Variants in SDK1 observed in about 807,000 individuals in gnomAD.
SDK1 encodes sidekick cell adhesion molecule 1, also known as protein sidekick-1.
A neutral mutation model predicts 245.5 loss-of-function variants in SDK1; 157 were observed. The ratio of observed to expected loss-of-function variants is 0.64; its 90% CI spans 0.56 to 0.73. The LOEUF (loss-of-function observed/expected upper bound fraction) is 0.73. Ranked by LOEUF, SDK1 falls within the 30% of genes least tolerant of loss-of-function variation. The pLI is 0.00. For missense variants in SDK1, 3,583 were observed against 3,002.3 expected, an observed-to-expected ratio of 1.19 and a Z score of -4.52; for synonymous variants, 1,647 against 1,278.5, an observed-to-expected ratio of 1.29 and a Z score of -6.15.
intron 5 of SDK1, among the ~76,000 whole-genome samples, chr7:3,824,760 G>T (rs1779730398): frequency 6.6e-6 from 1 of 152,192 alleles, no homozygotes; most frequent in Admixed American, 6.5e-5. Context: ...GCAAAAGATA[G>T]ATAGGTTTTA....
chr7:4,041,342 TAA>T (rs981412035), intron 17 of SDK1, among the ~76,000 whole-genome samples: 1 of 150,950 alleles, frequency 6.6e-6, no homozygotes, highest in Non-Finnish European at 1.5e-5. Flanking sequence ...AGTAGAAAGT[TAA>T]AAGAGTTTTG....
At chr7:4,024,896 G>T (rs535099135) in intron 17 of SDK1, among the ~76,000 whole-genome samples, 1 of 132,120 alleles carries the variant, frequency 7.6e-6, no homozygotes, top group Non-Finnish European at 1.6e-5. Flanking sequence ...TCCCACAGCC[G>T]CATTATGTGG....
At chr7:3,978,685 T>C (rs1270078763) in intron 13 of SDK1, among the ~76,000 whole-genome samples, 1 of 152,180 alleles carries the variant, frequency 6.6e-6, no homozygotes, top group African/African-American at 2.4e-5. Flanking sequence ...GGGCATTCTG[T>C]CCTTCTTGGG....
intron 5 of SDK1, among the ~76,000 whole-genome samples, chr7:3,856,121 A>G (rs1326293320): frequency 6.6e-6 from 1 of 152,188 alleles, no homozygotes; most frequent in African/African-American, 2.4e-5. Context: ...AGGGAGGAAT[A>G]AAGAAAATGC....
intron 17 of SDK1, among the ~76,000 whole-genome samples, chr7:4,027,192 C>A (rs1348684899): frequency 1.3e-5 from 2 of 152,134 alleles, no homozygotes; most frequent in African/African-American, 2.4e-5. Flanking sequence ...GCCGAGCACC[C>A]AGGAGAACTG....
chr7:3,733,507 G>A (rs1012690516), intron 4 of SDK1, among the ~76,000 whole-genome samples: 4 of 152,152 alleles, frequency 2.6e-5, no homozygotes, highest in African/African-American at 9.7e-5. Flanking sequence ...CTGCTCTGGA[G>A]GTCCGAGTGC....
At chr7:3,941,009 G>A (rs1351792073) in intron 5 of SDK1, among the ~76,000 whole-genome samples, 1 of 151,756 alleles carries the variant, frequency 6.6e-6, no homozygotes, top group African/African-American at 2.4e-5. Context: ...GGCAGCTTCT[G>A]CAGAACGCCT....
chr7:3,367,147 T>TTTTA (rs61289936), intron 1 of SDK1, among the ~76,000 whole-genome samples: 15,337 of 151,632 alleles, frequency 0.1, 995 homozygotes, highest in African/African-American at 0.17. Flanking sequence ...TACAATTTTA[T>TTTTA]TTTATTTATT....
intron 1 of SDK1, among the ~76,000 whole-genome samples, chr7:3,461,583 G>A (rs944364914): frequency 2.2e-4 from 33 of 152,068 alleles, no homozygotes; most frequent in South Asian, 2.1e-4. Flanking sequence ...AGAATCCTCC[G>A]GTCACTTAGT....
chr7:4,095,536 A>C (rs1214767650), intron 22 of SDK1, among the ~76,000 whole-genome samples: 1 of 151,890 alleles, frequency 6.6e-6, no homozygotes, highest in Non-Finnish European at 1.5e-5. Flanking sequence ...TTGTTTGTCA[A>C]GTTGCTCCTT....
chr7:4,145,456 C>A (rs1779898226), intron 28 of SDK1, among the ~76,000 whole-genome samples: 1 of 152,096 alleles, frequency 6.6e-6, no homozygotes, highest in African/African-American at 2.4e-5. Context: ...TCGCCTCGTG[C>A]CCGCATCCTA....
At chr7:4,080,634 C>G (rs187306703) in intron 22 of SDK1, among the ~76,000 whole-genome samples, 1 of 152,198 alleles carries the variant, frequency 6.6e-6, no homozygotes, top group Non-Finnish European at 1.5e-5. Flanking sequence ...ACAAATGGGG[C>G]TGGAACAATT....
chr7:3,630,401 A>G (rs1425920967), intron 2 of SDK1, among the ~76,000 whole-genome samples: 1 of 152,236 alleles, frequency 6.6e-6, no homozygotes, highest in African/African-American at 2.4e-5. Context: ...GCAACATTAC[A>G]AGATAGAAGA....
intron 5 of SDK1, among the ~76,000 whole-genome samples, chr7:3,852,667 C>T (rs1031954328): frequency 3.7e-5 from 5 of 136,964 alleles, no homozygotes; most frequent in African/African-American, 1.4e-4. Flanking sequence ...AGGAGAATGG[C>T]GGGAACCCGG....
chr7:3,450,198 G>C (rs1417748612), intron 1 of SDK1, among the ~76,000 whole-genome samples: 1 of 152,176 alleles, frequency 6.6e-6, no homozygotes, highest in Admixed American at 6.5e-5. Flanking sequence ...CATATTTATC[G>C]ATATGTGAGA....
chr7:3,359,289 C>T (rs1780889747), intron 1 of SDK1, among the ~76,000 whole-genome samples: 1 of 152,178 alleles, frequency 6.6e-6, no homozygotes, highest in African/African-American at 2.4e-5. Context: ...AGCCTGATGG[C>T]ACTTGAGGAA....
chr7:3,854,688 C>T (rs1780498023), intron 5 of SDK1, among the ~76,000 whole-genome samples: 1 of 152,150 alleles, frequency 6.6e-6, no homozygotes, highest in Admixed American at 6.5e-5. Context: ...TCTGCAATAT[C>T]TTCTGTAAAC....
chr7:4,012,014 A>T, intron 15 of SDK1, 81 bp from the exon 16 acceptor site: 2 of 1,214,134 alleles, frequency 1.6e-6, no homozygotes, highest in Non-Finnish European at 2.2e-6. Flanking sequence ...CTCAAGATTC[A>T]GCAAGATAGA....
At chr7:3,867,056 A>T (rs1012215668) in intron 5 of SDK1, among the ~76,000 whole-genome samples, 4 of 152,360 alleles carry the variant, frequency 2.6e-5, no homozygotes, top group African/African-American at 9.6e-5. Context: ...GAGTGGGCGC[A>T]GGCCTTCATT....
Sources: allele counts gnomAD v4.1 joint callset (sites outside exome capture counted in the v4.1 genomes callset), GRCh38; gene constraint gnomAD v4.1.1; transcripts MANE v1.5; gene names NCBI Gene and HGNC (gene_info 2026-07-23, HGNC 2026-07-21).